The following FAM83E variants were observed in gnomAD, a reference collection of about 807,000 sequenced individuals.
FAM83E encodes scaffolding CK1 anchoring protein E.
FAM83E carries 29 observed loss-of-function variants against 34.3 expected under a neutral mutation model. The ratio of observed to expected loss-of-function variants is 0.85; its 90% CI spans 0.63 to 1.15. FAM83E has a LOEUF of 1.15. Ranked by LOEUF, FAM83E falls within the 50% of genes most tolerant of loss-of-function variation. The probability of loss-of-function intolerance (pLI) is 0.00; values close to 1 mark genes in which losing one functional copy is unlikely to be tolerated. For synonymous variants in FAM83E, 312 were observed against 311.6 expected (o/e 1.00, Z -0.01); for missense variants, 697 against 685.0 (o/e 1.02, Z -0.20).
chr19:48,601,764 C>CAA (rs768756786), intron 6 of FAM83E, among the ~76,000 whole-genome samples: 28 of 109,222 alleles, frequency 2.6e-4, no homozygotes, highest in Admixed American at 2.0e-3. Flanking sequence ...GACTCAGTCT[C>CAA]AAAAAAAAAA....
Position 48,603,567 on chromosome 19 carries a change from G to A in FAM83E, c.1103C>T (p.Ala368Val), listed in dbSNP as rs767739590. The change falls in exon 6 of 7, where the codon GCC becomes GTC. Residue 368 changes from alanine to valine, a missense_variant. Physicochemically the swap from Ala to Val is moderately conservative, Grantham distance 64. Transcript: ENST00000263266. ...QRARTPSGPP[A>V]RPSRSMWDLS... ...GTCCCACATGGAGCGGCTGGGCCGGGCCGGGGGGCCGCTGGGGGTCCGGGC... is the reference window on the plus strand; with the variant it reads ...GTCCCACATGGAGCGGCTGGGCCGGACCGGGGGGCCGCTGGGGGTCCGGGC... 6 of 1,556,744 alleles carry A rather than the reference G, an allele frequency of 3.9e-6. No individual in the cohort carries two copies. The highest frequency in any genetic ancestry group is 1.4e-5 in the African/African-American group (1 of 70,868).
rs1568423026 is a variant in FAM83E at position 48,614,250 on chromosome 19, G to A, written c.-878C>T. On this transcript the variant is annotated 5_prime_UTR_variant, in exon 3 of 7. Coordinates refer to ENST00000263266, the MANE Select transcript of FAM83E (RefSeq NM_017708.4). The stretch of plus-strand genomic sequence containing the variant: ...GCTACAGGGGTCTCCATTACTATGG[G>A]ACAGGTCTATGATCTTCACAGCCCA... The A allele has an allele frequency of 1.0e-6, 1 of 985,290 alleles. No homozygotes were observed. The highest frequency in any genetic ancestry group is 6.2e-5 in the Admixed American group (1 of 16,254). 61.0% of individuals were successfully genotyped at this position (985,290 alleles called of 1,614,324 possible).
At chr19:48,602,707 ATATATATATATATAT>A (rs1568417843) in intron 6 of FAM83E, among the ~76,000 whole-genome samples, 352 of 29,156 alleles carry the variant, frequency 0.012, 89 homozygotes, top group African/African-American at 0.051. Flanking sequence ...AAAAAAAAAT[ATATATATATATATAT>A]ATATATATAT....
chr19:48,613,821 A>G lies in FAM83E; in HGVS notation c.-449T>C. ...CCCTTCAGCTGTCCTGAATTTGGTC[A>G]GGCTGACCACTTGATCATTTCCAGG... On this transcript the variant is annotated 5_prime_UTR_variant, in exon 3 of 7. The change abolishes the stop of an existing upstream ORF in the 5' untranslated region. Transcript: ENST00000263266. 2.0e-6 allele frequency: 2 copies of G among 985,434 alleles called. No homozygotes were observed. Among genetic ancestry groups the G allele is most frequent in the Non-Finnish European group, 2.4e-6 (2 of 829,918 alleles). 61.0% of individuals were successfully genotyped at this position (985,434 alleles called of 1,614,324 possible). A position where few individuals can be genotyped will look rare whatever the true frequency, so the allele number is the denominator to read the frequency against.
chr19:48,601,971 A>G (rs909280057), intron 6 of FAM83E, among the ~76,000 whole-genome samples: 4 of 151,188 alleles, frequency 2.6e-5, no homozygotes, highest in African/African-American at 9.7e-5. Context: ...GTGAGACCTC[A>G]TCTCTCCAAA....
chr19:48,613,350 G>A lies in FAM83E; in HGVS notation c.23C>T (p.Ala8Val), dbSNP rs1435718123. ...GGGACCGGAGTCCACTCCTTCCAGC[G>A]CCGCCAGCTGGGAGGCCGCCATCGG... MAASQLAALEGVDSGPRV... is the reference protein window; with the variant it reads MAASQLAVLEGVDSGPRV... Residue 8 changes from alanine to valine, a missense_variant, in exon 3 of 7, where the codon GCG becomes GTG. Physicochemically the swap from Ala to Val is moderately conservative, Grantham distance 64. Transcript: ENST00000263266. The A allele has an allele frequency of 7.6e-6, 12 of 1,571,404 alleles. No homozygotes were observed. Among genetic ancestry groups the A allele is most frequent in the East Asian group, 6.9e-5 (3 of 43,662 alleles).
At position 48,600,679 on chromosome 19, in the gene FAM83E, TCTCA is replaced by T. The variant is rs1973795428; in HGVS notation, c.*426_*429del. ...TTTTTTTTTTTTTAAAGAGATGGCC[TCTCA>T]CTGTGTTGCCCAGGCTGGAGTGCAA... On this transcript the variant is annotated 3_prime_UTR_variant, in exon 7 of 7. Transcript: ENST00000263266. 6.6e-6 allele frequency: 1 copy of T among 151,998 alleles called. No individual in the cohort carries two copies. Among genetic ancestry groups the T allele is most frequent in the Non-Finnish European group, 1.4e-5 (1 of 69,740 alleles). The allele number at this position is 151,998 out of a possible 1,614,324, so 9.4% of individuals were successfully genotyped here.
rs926731817 is a variant in FAM83E at position 48,613,797 on chromosome 19, C to T, written c.-425G>A. 1 of 985,324 alleles carries T rather than the reference C, an allele frequency of 1.0e-6. No homozygotes were observed. The highest frequency in any genetic ancestry group is 1.7e-5 in the African/African-American group (1 of 57,248). The allele number at this position is 985,324 out of a possible 1,614,324, so 61.0% of individuals were successfully genotyped here. The stretch of plus-strand genomic sequence containing the variant: ...CCAGTCACACAGTGCCCAGTCAGAC[C>T]CTTCAGCTGTCCTGAATTTGGTCAG... On this transcript the variant is annotated 5_prime_UTR_variant, in exon 3 of 7. Transcript: ENST00000263266.
Position 48,613,984 on chromosome 19 carries a change from A to G in FAM83E, c.-612T>C, listed in dbSNP as rs1974097567. ...GGCAAACGCCAATGGCTTCCGACTG[A>G]CAGTCACAGTATCTGCCTGTTGGAG... On this transcript the variant is annotated 5_prime_UTR_variant, in exon 3 of 7. Transcript: ENST00000263266. 1 of 985,168 alleles carries G rather than the reference A, an allele frequency of 1.0e-6. No individual in the cohort carries two copies. The highest frequency in any genetic ancestry group is 6.2e-5 in the Admixed American group (1 of 16,256). The allele number at this position is 985,168 out of a possible 1,614,324, so 61.0% of individuals were successfully genotyped here.
At chr19:48,602,389 C>T (rs956667735) in intron 6 of FAM83E, among the ~76,000 whole-genome samples, 7 of 150,256 alleles carry the variant, frequency 4.7e-5, no homozygotes, top group African/African-American at 7.3e-5. Context: ...GTGGGGAGCC[C>T]GAGAGGGAAG....
In FAM83E at chr19:48,614,369, G is replaced by A. The variant is rs757536798; in HGVS notation, c.-997C>T. The A allele has an allele frequency of 1.1e-4, 105 of 985,146 alleles. No individual in the cohort carries two copies. Among genetic ancestry groups the A allele is most frequent in the Non-Finnish European group, 1.2e-4 (103 of 829,944 alleles). The allele number at this position is 985,146 out of a possible 1,614,324, so 61.0% of individuals were successfully genotyped here. A position where few individuals can be genotyped will look rare whatever the true frequency, so the allele number is the denominator to read the frequency against. On this transcript the variant is annotated 5_prime_UTR_variant, in exon 3 of 7. Coordinates refer to ENST00000263266, the MANE Select transcript of FAM83E (RefSeq NM_017708.4). ...TGGGACCTGTTCCAGGCCGTCCTCT[G>A]ATCTGCGGGGAGCCCTACCCAAGCT...
chr19:48,612,426 A>G (rs1397853838), intron 3 of FAM83E, among the ~76,000 whole-genome samples: 1 of 144,634 alleles, frequency 6.9e-6, no homozygotes, highest in Non-Finnish European at 1.5e-5. Context: ...TTTTATTGAG[A>G]TGGAGTCTCG....
intron 5 of FAM83E, chr19:48,607,229 A>G (rs763080132): frequency 6.2e-7 from 1 of 1,612,460 alleles, no homozygotes; most frequent in African/African-American, 1.3e-5. Context: ...GGCGTCACCT[A>G]CAGCCTCACC....
chr19:48,610,459 T>A (rs1974020951), intron 4 of FAM83E, among the ~76,000 whole-genome samples: 2 of 144,970 alleles, frequency 1.4e-5, no homozygotes, highest in South Asian at 4.5e-4. Context: ...GAGCCACTGA[T>A]ATCAACCCTC....
rs764874996 is a variant in FAM83E, at chr19:48,601,101, G to T, written c.*8C>A. On this transcript the variant is annotated 3_prime_UTR_variant, in exon 7 of 7. Transcript: ENST00000263266. The stretch of plus-strand genomic sequence containing the variant: ...GGGTGGGCCAGCAGATTTGGCTTGG[G>T]CTCCTGTTCAGGGTTGCCCCCCAAG... 1 of 1,603,596 alleles carries T rather than the reference G, an allele frequency of 6.2e-7. No individual in the cohort carries two copies. Among genetic ancestry groups the T allele is most frequent in the Non-Finnish European group, 8.5e-7 (1 of 1,175,910 alleles).
chr19:48,601,114 G>A lies in FAM83E; in HGVS notation c.1432C>T (p.Pro478Ser). 6.2e-7 allele frequency: 1 copy of A among 1,610,676 alleles called. No individual in the cohort carries two copies. The highest frequency in any genetic ancestry group is 8.5e-7 in the Non-Finnish European group (1 of 1,178,912). The change falls in exon 7 of 7, where the codon CCC (proline) becomes TCC (serine). Residue 478 changes from proline to serine, a missense_variant. Coordinates refer to ENST00000263266, the MANE Select transcript of FAM83E (RefSeq NM_017708.4). ...GATTTGGCTTGGGCTCCTGTTCAGG[G>A]TTGCCCCCCAAGTCCTGCCCGGGGG... The part of the protein sequence containing the change: ...WAPRAGLGGQ[P>S]
At position 48,613,470 on chromosome 19, in the gene FAM83E, G is replaced by C; in HGVS notation, c.-98C>G. The C allele has an allele frequency of 7.0e-7, 1 of 1,436,508 alleles. No individual in the cohort carries two copies. The highest frequency in any genetic ancestry group is 1.5e-5 in the South Asian group (1 of 67,414). The allele number at this position is 1,436,508 out of a possible 1,614,324, so 89.0% of individuals were successfully genotyped here. A position where few individuals can be genotyped will look rare whatever the true frequency, so the allele number is the denominator to read the frequency against. ...TGATCATCTGGGGGTTCTCCTGATAGGCAGACCCTACGTGGCCATCCGAGG... is the reference window on the plus strand; with the variant it reads ...TGATCATCTGGGGGTTCTCCTGATACGCAGACCCTACGTGGCCATCCGAGG... On this transcript the variant is annotated 5_prime_UTR_variant, in exon 3 of 7. Transcript: ENST00000263266.
At chr19:48,609,838 A>C (rs1974007903) in intron 5 of FAM83E, 38 bp downstream of exon 5, 1 of 1,591,192 alleles carries the variant, frequency 6.3e-7, no homozygotes, top group Admixed American at 1.7e-5. Context: ...AGTGGGGTAT[A>C]GGACGCCGGG....
intron 6 of FAM83E, among the ~76,000 whole-genome samples, chr19:48,601,847 G>A (rs1189200857): frequency 6.7e-6 from 1 of 149,710 alleles, no homozygotes; most frequent in Non-Finnish European, 1.5e-5. Context: ...AGAGAGGAGA[G>A]AGGGAGGAGA....
Sources: allele counts gnomAD v4.1 joint callset (sites outside exome capture counted in the v4.1 genomes callset), GRCh38; gene constraint gnomAD v4.1.1; transcripts MANE v1.5; gene names NCBI Gene and HGNC (gene_info 2026-07-23, HGNC 2026-07-21).